Variants in CDH23 observed in about 807,000 individuals in gnomAD.
CDH23 encodes the protein cadherin related 23, also known as cadherin-23.
Under a neutral mutation model 317.1 loss-of-function variants are expected in CDH23, and 189 were observed. That is an observed-to-expected ratio of 0.60 (90% confidence interval 0.53 to 0.67). The LOEUF (loss-of-function observed/expected upper bound fraction) is 0.67. CDH23 is among the 30% of genes least tolerant of loss of function. The probability of loss-of-function intolerance (pLI) is 0.00; values close to 1 mark genes in which losing one functional copy is unlikely to be tolerated. For synonymous variants in CDH23, 1,839 were observed against 1,876.8 expected, an observed-to-expected ratio of 0.98 and a Z score of 0.52; for missense variants, 4,401 against 4,592.4, an observed-to-expected ratio of 0.96 and a Z score of 1.20.
At chr10:71,427,188 A>AAGGG (rs1849117008) in intron 1 of CDH23, among the ~76,000 whole-genome samples, 1 of 108,812 alleles carries the variant, frequency 9.2e-6, no homozygotes, top group African/African-American at 3.7e-5. Flanking sequence ...GGAAGGAAGG[A>AAGGG]AGGAAAGAGA....
intron 9 of CDH23, among the ~76,000 whole-genome samples, chr10:71,597,148 A>C (rs556743688): frequency 9.0e-5 from 13 of 144,338 alleles, no homozygotes; most frequent in Admixed American, 2.7e-4. Flanking sequence ...GGAGTTCTCC[A>C]GGTGGAAGGA....
At chr10:71,500,335 C>T (rs761018018) in intron 3 of CDH23, among the ~76,000 whole-genome samples, 1 of 152,222 alleles carries the variant, frequency 6.6e-6, no homozygotes, top group Non-Finnish European at 1.5e-5. Context: ...GCCCCCAGAG[C>T]CTCTGGGTTT....
intron 1 of CDH23, among the ~76,000 whole-genome samples, chr10:71,410,408 GCT>G (rs1159707190): frequency 6.6e-6 from 1 of 152,166 alleles, no homozygotes; most frequent in Non-Finnish European, 1.5e-5. Context: ...TGAGGCTGCA[GCT>G]TTGCTCTATG....
chr10:71,564,230 A>G (rs911268955), intron 6 of CDH23, among the ~76,000 whole-genome samples: 3 of 152,146 alleles, frequency 2.0e-5, no homozygotes, highest in Non-Finnish European at 4.4e-5. Flanking sequence ...GTGCATTTCC[A>G]TGGAACAGCA....
At chr10:71,573,117 A>G (rs1857931722) in intron 8 of CDH23, among the ~76,000 whole-genome samples, 1 of 152,208 alleles carries the variant, frequency 6.6e-6, no homozygotes, top group South Asian at 2.1e-4. Flanking sequence ...GGTTGGAGAT[A>G]ATGCACATAA....
At chr10:71,594,409 T>C (rs1424018140) in intron 9 of CDH23, among the ~76,000 whole-genome samples, 1 of 152,028 alleles carries the variant, frequency 6.6e-6, no homozygotes, top group Non-Finnish European at 1.5e-5. Flanking sequence ...GTTTCCCTCT[T>C]ATTGCCCAGG....
chr10:71,675,260 G>A, intron 15 of CDH23, 84 bp downstream of exon 15: 12 of 1,201,770 alleles, frequency 1.0e-5, no homozygotes, highest in Non-Finnish European at 1.5e-5. Context: ...GAACTTTTCA[G>A]TGCCCAGGGA....
intron 28 of CDH23, chr10:71,714,838 G>A (rs925692808): frequency 6.6e-6 from 1 of 152,238 alleles, no homozygotes; most frequent in Admixed American, 6.5e-5. Context: ...GACTGGGACA[G>A]GAGCTGGGCA....
At chr10:71,790,848 C>T (rs372895428) in intron 46 of CDH23, 84 of 523,344 alleles carry the variant, frequency 1.6e-4, no homozygotes, top group African/African-American at 1.1e-3. Flanking sequence ...TCAACAGAGA[C>T]GGTCAACCCT....
intron 38 of CDH23, chr10:71,747,453 A>G (rs1839878807): frequency 6.6e-6 from 1 of 152,344 alleles, no homozygotes; most frequent in South Asian, 2.1e-4. Context: ...TTCATCTCCC[A>G]GAGCCCTTGT....
chr10:71,564,762 G>C (rs1857308139), intron 6 of CDH23, among the ~76,000 whole-genome samples: 1 of 152,166 alleles, frequency 6.6e-6, no homozygotes, highest in Non-Finnish European at 1.5e-5. Flanking sequence ...CCTGTTTCCT[G>C]TTGTTGTTGT....
intron 48 of CDH23, chr10:71,796,891 C>T (rs920613816): frequency 4.6e-5 from 22 of 479,152 alleles, no homozygotes; most frequent in Non-Finnish European, 7.3e-5. Context: ...ACTTCCCCAA[C>T]ATCACCTGCT....
At chr10:71,452,241 T>C (rs1850482631) in intron 3 of CDH23, among the ~76,000 whole-genome samples, 1 of 151,752 alleles carries the variant, frequency 6.6e-6, no homozygotes, top group African/African-American at 2.4e-5. Flanking sequence ...ACCAAGGGGG[T>C]CTAGAAGGGA....
chr10:71,492,467 A>G (rs969835576), intron 3 of CDH23, among the ~76,000 whole-genome samples: 2 of 152,112 alleles, frequency 1.3e-5, no homozygotes, highest in African/African-American at 2.4e-5. Flanking sequence ...CATTGGGAAA[A>G]CTGACCCTTA....
intron 11 of CDH23, chr10:71,623,009 G>T: frequency 1.1e-6 from 1 of 951,852 alleles, no homozygotes; most frequent in Non-Finnish European, 1.3e-6. Flanking sequence ...ATTAATTCAA[G>T]CAACAAGTGT....
intron 14 of CDH23, among the ~76,000 whole-genome samples, chr10:71,664,143 G>T (rs1184338776): frequency 6.6e-6 from 1 of 152,118 alleles, no homozygotes; most frequent in Non-Finnish European, 1.5e-5. Context: ...CCCAGCAAGA[G>T]GCCCCAGAGA....
chr10:71,810,900 G>A (rs1221528354), intron 62 of CDH23, among the ~76,000 whole-genome samples: 1 of 152,042 alleles, frequency 6.6e-6, no homozygotes, highest in Non-Finnish European at 1.5e-5. Context: ...GACCAACATG[G>A]AGAAACCTCG....
chr10:71,812,935 T>C (rs763751034), intron 68 of CDH23, 45 bp downstream of exon 68: 45 of 1,606,174 alleles, frequency 2.8e-5, no homozygotes, highest in Non-Finnish European at 3.5e-5. Context: ...TTGGCTGAGG[T>C]TGGACCCCAC....
chr10:71,793,960 G>A (rs1188037720), intron 48 of CDH23, among the ~76,000 whole-genome samples: 1 of 152,108 alleles, frequency 6.6e-6, no homozygotes, highest in Non-Finnish European at 1.5e-5. Flanking sequence ...GGCAATTTTA[G>A]AGGAAAGTAA....
Sources: gnomAD v4.1 joint callset for allele counts (sites outside exome capture counted in the v4.1 genomes callset) on GRCh38, gnomAD v4.1.1 for gene constraint, MANE v1.5 for transcripts, NCBI Gene and HGNC (gene_info 2026-07-23, HGNC 2026-07-21) for gene names.